ROR2: variants seen among roughly 807,000 people sequenced by gnomAD.
ROR2 encodes the protein tyrosine-protein kinase transmembrane receptor ROR2.
A neutral mutation model predicts 74.9 loss-of-function variants in ROR2; 33 were observed. The observed-to-expected ratio is 0.44, with a 90% confidence interval of 0.33 to 0.59. The LOEUF (loss-of-function observed/expected upper bound fraction) is 0.59. ROR2 is among the 20% of genes least tolerant of loss of function. ROR2 has a pLI of 0.02. For synonymous variants in ROR2, 586 were observed against 558.7 expected (o/e 1.05, Z -0.69); for missense variants, 1,216 against 1,313.8 (o/e 0.93, Z 1.15).
At chr9:91,808,755 G>A (rs931242459) in intron 1 of ROR2, among the ~76,000 whole-genome samples, 3 of 151,284 alleles carry the variant, frequency 2.0e-5, no homozygotes, top group African/African-American at 4.9e-5. Context: ...TCAGGAGATC[G>A]AGACCATCCT....
chr9:91,898,135 A>T (rs925314230), intron 1 of ROR2, among the ~76,000 whole-genome samples: 3 of 152,276 alleles, frequency 2.0e-5, no homozygotes, highest in Admixed American at 6.5e-5. Context: ...TTCTGGAAAG[A>T]AAGTCTCAAG....
chr9:91,723,590 C>T lies in ROR2; in HGVS notation c.*72G>A. The T allele has an allele frequency of 6.3e-7, 1 of 1,584,822 alleles. No individual in the cohort carries two copies. Among genetic ancestry groups the T allele is most frequent in the African/African-American group, 1.3e-5 (1 of 74,318 alleles). On this transcript the variant is annotated 3_prime_UTR_variant, in exon 9 of 9. Coordinates refer to ENST00000375708, the MANE Select transcript of ROR2 (RefSeq NM_004560.4). ...TTGTGATTGCTGAGTATGGTGTCTT[C>T]TCAAAGGTGACTGAGGTCCCTGTGG...
At position 91,879,435 on chromosome 9, in the gene ROR2, T is replaced by TG. The variant is rs746962164; in HGVS notation, c.97+70431dup. Among the ~76,000 whole-genome samples the TG allele has an allele frequency of 4.8e-5, 7 of 147,008 alleles. No homozygotes were observed. In the East Asian group the frequency reaches 7.8e-4, roughly 16 times the overall value. Reference sequence around the variant, plus strand: ...GGGAGTGGGTGTGGGTGTGTGGGTGTGGGGGGGTGTGTGTGTGTGTGGACA... The same window carrying TG: ...GGGAGTGGGTGTGGGTGTGTGGGTGTGGGGGGGGTGTGTGTGTGTGTGGACA... On this transcript the variant is annotated intron_variant, in intron 1 of 8. Transcript: ENST00000375708.
chr9:91,791,061 A>G (rs1269898402), intron 1 of ROR2, among the ~76,000 whole-genome samples: 2 of 152,180 alleles, frequency 1.3e-5, no homozygotes, highest in African/African-American at 4.8e-5. Flanking sequence ...CTAAGTGTCC[A>G]GTGTTTATAA....
At chr9:91,917,346 G>A (rs956816527) in intron 1 of ROR2, among the ~76,000 whole-genome samples, 1 of 152,134 alleles carries the variant, frequency 6.6e-6, no homozygotes, top group Admixed American at 6.5e-5. Flanking sequence ...AAGAAGATAC[G>A]TGCAGAGAAA....
chr9:91,882,407 T>C (rs1485884039), intron 1 of ROR2, among the ~76,000 whole-genome samples: 3 of 119,778 alleles, frequency 2.5e-5, no homozygotes, highest in Non-Finnish European at 4.9e-5. Flanking sequence ...TGAGACTCTG[T>C]CTCAAAAAAA....
chr9:91,832,367 CAAAAAAAAAA>C (rs10677451), intron 1 of ROR2, among the ~76,000 whole-genome samples: 39 of 38,330 alleles, frequency 1.0e-3, no homozygotes, highest in Admixed American at 6.0e-3. Flanking sequence ...GTCACAATGG[CAAAAAAAAAA>C]AAAAAAAAAA....
rs35040969 is a variant in ROR2 at position 91,801,519 on chromosome 9, G to A, written c.98-25701C>T. 1.5e-3 allele frequency among the ~76,000 whole-genome samples: 228 copies of A among 152,236 alleles called. 2 individuals carry two copies. The highest frequency in any genetic ancestry group is 6.8e-3 in the Middle Eastern group (2 of 294). ...AGCTAATTTTTGTATTTTTTGTAGA[G>A]ACGGGATTTCGCCATGTTGGCCACG... On this transcript the variant is annotated intron_variant, in intron 1 of 8. Coordinates refer to ENST00000375708, the MANE Select transcript of ROR2 (RefSeq NM_004560.4).
chr9:91,728,453 T>C (rs1837119073), intron 7 of ROR2, among the ~76,000 whole-genome samples: 2 of 152,228 alleles, frequency 1.3e-5, no homozygotes, highest in Non-Finnish European at 2.9e-5. Context: ...ATTTTTGAGA[T>C]GGAGTCTCGC....
chr9:91,910,470 G>A (rs981900194), intron 1 of ROR2, among the ~76,000 whole-genome samples: 2 of 150,278 alleles, frequency 1.3e-5, no homozygotes, highest in Non-Finnish European at 1.5e-5. Context: ...AACAAAAACA[G>A]ACAAACTGGA....
intron 1 of ROR2, among the ~76,000 whole-genome samples, chr9:91,919,377 C>T (rs1025259013): frequency 6.6e-6 from 1 of 152,110 alleles, no homozygotes; most frequent in Non-Finnish European, 1.5e-5. Flanking sequence ...CAAATTCATT[C>T]AGGATAAATT....
chr9:91,813,125 A>G (rs369814318), intron 1 of ROR2, among the ~76,000 whole-genome samples: 4 of 152,210 alleles, frequency 2.6e-5, no homozygotes, highest in Non-Finnish European at 4.4e-5. Flanking sequence ...TTTAGAAAAA[A>G]AAAATAAAAA....
intron 6 of ROR2, among the ~76,000 whole-genome samples, chr9:91,731,511 C>A (rs557631046): frequency 1.3e-5 from 2 of 152,282 alleles, no homozygotes; most frequent in Admixed American, 1.3e-4. Flanking sequence ...AAGGGCCTGG[C>A]CCCTCCATCT....
chr9:91,731,113 G>T lies in ROR2; in HGVS notation c.980C>A (p.Thr327Lys). ...GTGGCCTGACTTGGTGGTGCTTGCCGTTCCTCTGTAATCCATGCCTGAGCC... is the reference window on the plus strand; with the variant it reads ...GTGGCCTGACTTGGTGGTGCTTGCCTTTCCTCTGTAATCCATGCCTGAGCC... ...YNGSGMDYRG[T>K]ASTTKSGHQC... The change falls in exon 7 of 9, where the codon ACG (threonine) becomes AAG (lysine). Residue 327 changes from threonine (T) to lysine (K), a missense_variant. Physicochemically the swap from Thr to Lys is moderately conservative, Grantham distance 78. Coordinates refer to ENST00000375708, the MANE Select transcript of ROR2 (RefSeq NM_004560.4). The T allele has an allele frequency of 1.2e-6, 2 of 1,614,114 alleles. No homozygotes were observed. The highest frequency in any genetic ancestry group is 1.7e-6 in the Non-Finnish European group (2 of 1,180,032).
intron 1 of ROR2, among the ~76,000 whole-genome samples, chr9:91,845,699 T>A (rs1004108124): frequency 2.0e-5 from 3 of 151,598 alleles, no homozygotes; most frequent in Non-Finnish European, 4.4e-5. Flanking sequence ...CTGGCCAACA[T>A]GGCGAAACCC....
chr9:91,730,615 C>T (rs533914911), intron 7 of ROR2, among the ~76,000 whole-genome samples: 7 of 152,226 alleles, frequency 4.6e-5, no homozygotes, highest in African/African-American at 1.4e-4. Flanking sequence ...CATGTGCCAC[C>T]GCACCTGGCT....
intron 1 of ROR2, among the ~76,000 whole-genome samples, chr9:91,776,504 C>G (rs1826424498): frequency 6.6e-6 from 1 of 152,192 alleles, no homozygotes; most frequent in Admixed American, 6.5e-5. Flanking sequence ...CGGGGCAATC[C>G]TACCATTCTT....
intron 1 of ROR2, among the ~76,000 whole-genome samples, chr9:91,844,364 C>T (rs1828865161): frequency 6.6e-6 from 1 of 152,112 alleles, no homozygotes; most frequent in Non-Finnish European, 1.5e-5. Flanking sequence ...CACGCTCCTG[C>T]ACCTTCCACA....
intron 1 of ROR2, among the ~76,000 whole-genome samples, chr9:91,865,163 A>G (rs2119314676): frequency 6.6e-6 from 1 of 152,250 alleles, no homozygotes; most frequent in South Asian, 2.1e-4. Context: ...AGCTTAAGAG[A>G]TCTCCACGAG....
Sources: gnomAD v4.1 joint callset for allele counts (sites outside exome capture counted in the v4.1 genomes callset) on GRCh38, gnomAD v4.1.1 for gene constraint, MANE v1.5 for transcripts, NCBI Gene and HGNC (gene_info 2026-07-23, HGNC 2026-07-21) for gene names.